Variants in TNKS observed in about 807,000 individuals in gnomAD.
TNKS encodes the protein tankyrase.
A neutral mutation model predicts 135.8 loss-of-function variants in TNKS; 72 were observed. The observed-to-expected ratio is 0.53, with a 90% CI of 0.44 to 0.64. The LOEUF (loss-of-function observed/expected upper bound fraction) is 0.64. TNKS is among the 30% of genes least tolerant of loss of function. TNKS has a pLI of 0.00. For missense variants in TNKS, 1,769 were observed against 1,674.0 expected (o/e 1.06, Z -0.99); for synonymous variants, 849 against 649.3 (o/e 1.31, Z -4.68).
intron 3 of TNKS, among the ~76,000 whole-genome samples, chr8:9,662,414 C>T (rs1801763204): frequency 6.6e-6 from 1 of 152,098 alleles, no homozygotes; most frequent in Non-Finnish European, 1.5e-5. Flanking sequence ...ACTATGCAGC[C>T]ATAAAAAAGG....
intron 5 of TNKS, among the ~76,000 whole-genome samples, chr8:9,701,517 A>G (rs1268508198): frequency 3.9e-5 from 6 of 152,256 alleles, no homozygotes; most frequent in South Asian, 2.1e-4. Flanking sequence ...TCAAACTGCA[A>G]TGAAAAGTCC....
At chr8:9,662,933 A>T (rs1300382986) in intron 3 of TNKS, among the ~76,000 whole-genome samples, 1 of 152,214 alleles carries the variant, frequency 6.6e-6, no homozygotes, top group African/African-American at 2.4e-5. Context: ...CTTATGGGAT[A>T]AAAAGACTGC....
intron 1 of TNKS, among the ~76,000 whole-genome samples, chr8:9,561,009 A>G (rs7846140): frequency 0.25 from 37,955 of 152,028 alleles, 4,932 homozygotes; most frequent in East Asian, 0.4. Context: ...GCTAATAGCA[A>G]AAAATTTGTA....
chr8:9,747,994 A>C (rs1231240694), intron 17 of TNKS, 30 bp from the exon 18 acceptor site: 2 of 1,577,224 alleles, frequency 1.3e-6, no homozygotes. Flanking sequence ...TCTCATTCTT[A>C]ACTCTTTGTA....
At chr8:9,714,323 C>T (rs1211612619) in intron 11 of TNKS, among the ~76,000 whole-genome samples, 3 of 112,964 alleles carry the variant, frequency 2.7e-5, no homozygotes, top group South Asian at 3.5e-4. Context: ...AGCAACCGCC[C>T]TACAGGCTTT....
At chr8:9,569,638 A>G (rs6601335) in intron 1 of TNKS, among the ~76,000 whole-genome samples, 37,754 of 152,100 alleles carry the variant, frequency 0.25, 4,903 homozygotes, top group East Asian at 0.41. Context: ...TGCTATGAAC[A>G]TTTTTGTACA....
At chr8:9,771,094 A>T (rs1286037660) in intron 26 of TNKS, among the ~76,000 whole-genome samples, 3 of 151,496 alleles carry the variant, frequency 2.0e-5, no homozygotes, top group Non-Finnish European at 4.4e-5. Flanking sequence ...TAATATAAGC[A>T]TGTGTGTGTA....
chr8:9,678,927 C>A (rs753744165), intron 3 of TNKS, among the ~76,000 whole-genome samples: 3 of 152,164 alleles, frequency 2.0e-5, no homozygotes, highest in African/African-American at 7.2e-5. Context: ...CAAACTAAGT[C>A]AGTGTATTAC....
intron 17 of TNKS, chr8:9,740,938 T>G (rs2128821941): frequency 7.0e-6 from 1 of 141,990 alleles, no homozygotes; most frequent in Non-Finnish European, 1.5e-5. Flanking sequence ...GCCTCCCGAG[T>G]AGCTGGAACT....
At chr8:9,756,266 C>G (rs1484229636) in intron 20 of TNKS, among the ~76,000 whole-genome samples, 3 of 152,064 alleles carry the variant, frequency 2.0e-5, no homozygotes, top group Admixed American at 2.0e-4. Flanking sequence ...ATTACTCCTG[C>G]TGTACCATAC....
At chr8:9,732,099 T>C (rs1359086664) in intron 14 of TNKS, among the ~76,000 whole-genome samples, 1 of 152,208 alleles carries the variant, frequency 6.6e-6, no homozygotes, top group Non-Finnish European at 1.5e-5. Flanking sequence ...TATATGAATG[T>C]TTTTATATAG....
chr8:9,744,732 C>G (rs1303129703), intron 17 of TNKS, among the ~76,000 whole-genome samples: 1 of 152,076 alleles, frequency 6.6e-6, no homozygotes, highest in African/African-American at 2.4e-5. Flanking sequence ...CTATTTTTGC[C>G]TCAATGGTGT....
intron 2 of TNKS, among the ~76,000 whole-genome samples, chr8:9,585,208 C>G (rs533549150): frequency 6.6e-6 from 1 of 151,238 alleles, no homozygotes; most frequent in East Asian, 1.9e-4. Flanking sequence ...GAATTAAAGA[C>G]CATGTTAGTA....
chr8:9,680,438 A>C (rs544718119), intron 4 of TNKS, among the ~76,000 whole-genome samples: 1 of 152,172 alleles, frequency 6.6e-6, no homozygotes, highest in Non-Finnish European at 1.5e-5. Context: ...GTTTTAGTCT[A>C]TTTATCAGAA....
At position 9,569,348 on chromosome 8, in the gene TNKS, T is replaced by C. The variant is rs1192794374; in HGVS notation, c.674-10811T>C. ...GAACACACCTGGGTAACTAGTGCCCTGCTCAAGAATCAGAACATTATCTGC... is the reference window on the plus strand; with the variant it reads ...GAACACACCTGGGTAACTAGTGCCCCGCTCAAGAATCAGAACATTATCTGC... On this transcript the variant is annotated intron_variant, in intron 1 of 26. Transcript: ENST00000310430. Among the ~76,000 whole-genome samples the C allele has an allele frequency of 2.0e-5, 3 of 152,208 alleles. No homozygotes were observed. The East Asian group carries it at 5.8e-4, about 29-fold the overall frequency.
chr8:9,636,388 TAGAC>T (rs72038912), intron 3 of TNKS, among the ~76,000 whole-genome samples: 124,953 of 151,854 alleles, frequency 0.82, 51,808 homozygotes, highest in Non-Finnish European at 0.88. Context: ...TTTCTGACCT[TAGAC>T]AGCCTCTTTT....
intron 26 of TNKS, 61 bp downstream of exon 26, chr8:9,770,323 C>A: frequency 6.6e-7 from 1 of 1,508,230 alleles, no homozygotes; most frequent in African/African-American, 1.4e-5. Flanking sequence ...AGCACAGAGA[C>A]CGTGTAAGAC....
chr8:9,655,838 C>T (rs1801340633), intron 3 of TNKS, among the ~76,000 whole-genome samples: 1 of 152,010 alleles, frequency 6.6e-6, no homozygotes, highest in African/African-American at 2.4e-5. Context: ...CAAAGCGCCT[C>T]TCGTCCTCCA....
chr8:9,656,611 C>CTTTT (rs71201960), intron 3 of TNKS, among the ~76,000 whole-genome samples: 208 of 136,458 alleles, frequency 1.5e-3, no homozygotes, highest in African/African-American at 5.3e-3. Flanking sequence ...AAAGAATTTT[C>CTTTT]TTTTTTTTTT....
Sources: allele counts gnomAD v4.1 joint callset (sites outside exome capture counted in the v4.1 genomes callset), GRCh38; gene constraint gnomAD v4.1.1; transcripts MANE v1.5; gene names NCBI Gene and HGNC (gene_info 2026-07-23, HGNC 2026-07-21).